Variants in FGD5 observed in about 807,000 individuals in gnomAD.
FGD5 encodes FYVE, RhoGEF and PH domain containing 5, also known as FYVE, RhoGEF and PH domain-containing protein 5.
A neutral mutation model predicts 133.4 loss-of-function variants in FGD5; 28 were observed. That is an observed-to-expected ratio of 0.21 (90% CI 0.16 to 0.29). The LOEUF (loss-of-function observed/expected upper bound fraction) is 0.29, where lower values mean the gene tolerates loss of function less well. FGD5 is among the 10% of genes least tolerant of loss of function. FGD5 has a pLI of 1.00. For synonymous variants in FGD5, 810 were observed against 776.5 expected, an observed-to-expected ratio of 1.04 and a Z score of -0.72; for missense variants, 1,858 against 1,895.2, an observed-to-expected ratio of 0.98 and a Z score of 0.36.
chr3:14,816,549 C>G (rs1020671296), upstream of FGD5, among the ~76,000 whole-genome samples: 2 of 152,150 alleles, frequency 1.3e-5, no homozygotes, highest in African/African-American at 4.8e-5. Flanking sequence ...GATGAGGAAA[C>G]TGAGGCTGAG....
At chr3:14,879,929 A>AAGG (rs2037793160) in intron 2 of FGD5, among the ~76,000 whole-genome samples, 1 of 152,162 alleles carries the variant, frequency 6.6e-6, no homozygotes, top group Non-Finnish European at 1.5e-5. Context: ...GTTGCTCAAG[A>AAGG]TTGGTGGGGT....
chr3:14,871,787 A>T (rs1622485), intron 2 of FGD5, among the ~76,000 whole-genome samples: 21,892 of 152,174 alleles, frequency 0.14, 1,907 homozygotes, highest in East Asian at 0.39. Context: ...GAGTTTCCTC[A>T]GTCAAAAGGG....
At chr3:14,857,913 T>A (rs934242167) in intron 1 of FGD5, among the ~76,000 whole-genome samples, 1 of 151,924 alleles carries the variant, frequency 6.6e-6, no homozygotes, top group Non-Finnish European at 1.5e-5. Context: ...CTATCACCCC[T>A]GTTTTATAGA....
intron 9 of FGD5, among the ~76,000 whole-genome samples, chr3:14,902,565 C>T (rs920691897): frequency 6.6e-6 from 1 of 152,144 alleles, no homozygotes; most frequent in African/African-American, 2.4e-5. Context: ...TATGAATACA[C>T]AGGCCAGTTT....
Position 14,897,442 on chromosome 3 carries a change from A to G in FGD5, c.2749-67A>G, listed in dbSNP as rs183412379. The G allele has an allele frequency of 3.6e-5, 56 of 1,543,872 alleles. No individual in the cohort carries two copies. The South Asian group carries it at 6.2e-4, about 17-fold the overall frequency. ...GCCAGGGCTCCAAAGCCCCAGGGGA[A>G]ATCTGCCAAGGAGGACTTGTGCTCA... On this transcript the variant is annotated intron_variant, in intron 4 of 19. Transcript: ENST00000285046.
intron 1 of FGD5, among the ~76,000 whole-genome samples, chr3:14,861,747 C>A (rs1377455612): frequency 7.1e-6 from 1 of 140,438 alleles, no homozygotes; most frequent in Non-Finnish European, 1.6e-5. Context: ...GGGGAGACCA[C>A]AGCAGCAGCA....
At chr3:14,815,194 C>T (rs774099667), upstream of FGD5, among the ~76,000 whole-genome samples, 3 of 152,214 alleles carry the variant, frequency 2.0e-5, no homozygotes, top group Non-Finnish European at 4.4e-5. Context: ...TTCGCCTCAT[C>T]TGCTTCTCCT....
chr3:14,909,576 T>G (rs2038406534), intron 10 of FGD5, among the ~76,000 whole-genome samples: 1 of 152,198 alleles, frequency 6.6e-6, no homozygotes, highest in Non-Finnish European at 1.5e-5. Flanking sequence ...AAAACTGTGA[T>G]GGGTCACCAC....
intron 4 of FGD5, among the ~76,000 whole-genome samples, chr3:14,883,627 G>A (rs796187615): frequency 6.6e-5 from 10 of 152,328 alleles, no homozygotes; most frequent in African/African-American, 2.2e-4. Flanking sequence ...AAACATCACA[G>A]GATGTTTACT....
chr3:14,924,207 C>A, intron 17 of FGD5, 69 bp downstream of exon 17: 1 of 1,607,714 alleles, frequency 6.2e-7, no homozygotes, highest in Non-Finnish European at 8.5e-7. Flanking sequence ...CCTGGGTAGA[C>A]GGAGTCAGAC....
At chr3:14,891,615 C>G (rs1454843064) in intron 4 of FGD5, among the ~76,000 whole-genome samples, 1 of 152,200 alleles carries the variant, frequency 6.6e-6, no homozygotes, top group Non-Finnish European at 1.5e-5. Context: ...ATCCTCCCTC[C>G]TTGGGACTGC....
At chr3:14,856,362 T>C (rs560249741) in intron 1 of FGD5, among the ~76,000 whole-genome samples, 1 of 152,346 alleles carries the variant, frequency 6.6e-6, no homozygotes, top group South Asian at 2.1e-4. Context: ...TTGGGTCTTT[T>C]GTGGCTCCAT....
intron 1 of FGD5, among the ~76,000 whole-genome samples, chr3:14,842,060 G>A (rs935355186): frequency 2.6e-5 from 4 of 152,216 alleles, no homozygotes; most frequent in African/African-American, 7.2e-5. Context: ...GGGACCCAGC[G>A]AAATAGAACT....
At chr3:14,854,705 C>G (rs1181122354) in intron 1 of FGD5, among the ~76,000 whole-genome samples, 1 of 152,084 alleles carries the variant, frequency 6.6e-6, no homozygotes, top group Non-Finnish European at 1.5e-5. Context: ...CAAGTGTGAG[C>G]CAGCAGACCT....
chr3:14,903,640 G>A (rs529357689), intron 9 of FGD5, among the ~76,000 whole-genome samples: 1 of 151,908 alleles, frequency 6.6e-6, no homozygotes, highest in East Asian at 1.9e-4. Flanking sequence ...TACTGAGAAT[G>A]ATGATTTCCA....
chr3:14,914,337 C>T (rs372257683), intron 11 of FGD5, among the ~76,000 whole-genome samples: 1 of 152,236 alleles, frequency 6.6e-6, no homozygotes, highest in South Asian at 2.1e-4. Context: ...CCTTGAGCTG[C>T]AGGTGGGGCT....
chr3:14,812,810 G>A (rs535968932), intron 1 of FGD5, among the ~76,000 whole-genome samples: 48 of 152,326 alleles, frequency 3.2e-4, no homozygotes, highest in Non-Finnish European at 5.6e-4. Context: ...ACTAAAACAC[G>A]TAAGGTGCCT....
intron 1 of FGD5, among the ~76,000 whole-genome samples, chr3:14,837,700 G>A (rs186528288): frequency 7.9e-5 from 12 of 152,246 alleles, no homozygotes; most frequent in African/African-American, 2.9e-4. Flanking sequence ...AAGTGCTCAC[G>A]GTGTTCCACA....
At chr3:14,871,530 A>T (rs2037606754) in intron 2 of FGD5, among the ~76,000 whole-genome samples, 1 of 152,212 alleles carries the variant, frequency 6.6e-6, no homozygotes. Flanking sequence ...AGCCATGCAG[A>T]GAGTGCTGCA....
Sources: allele counts gnomAD v4.1 joint callset (sites outside exome capture counted in the v4.1 genomes callset), GRCh38; gene constraint gnomAD v4.1.1; transcripts MANE v1.5; gene names NCBI Gene and HGNC (gene_info 2026-07-23, HGNC 2026-07-21).